The following STPG2 variants were observed in gnomAD, a reference collection of about 807,000 sequenced individuals.
STPG2 encodes the protein sperm-tail PG-rich repeat-containing protein 2.
Under a neutral mutation model 54.2 loss-of-function variants are expected in STPG2, and 56 were observed. The observed-to-expected ratio is 1.03, with a 90% confidence interval of 0.83 to 1.29. STPG2 has a LOEUF of 1.29. Among genes scored for constraint, STPG2 ranks in the 50% most tolerant of loss-of-function variants. The probability of loss-of-function intolerance (pLI) is 0.00; values close to 1 mark genes in which losing one functional copy is unlikely to be tolerated. For missense variants in STPG2, 596 were observed against 544.9 expected, an observed-to-expected ratio of 1.09 and a Z score of -0.93; for synonymous variants, 200 against 181.8, an observed-to-expected ratio of 1.10 and a Z score of -0.81.
chr4:97,914,994 C>T lies in STPG2; in HGVS notation c.1044+28903G>A, dbSNP rs562836375. Among the ~76,000 whole-genome samples, 15 of 152,216 alleles carry T rather than the reference C, an allele frequency of 9.9e-5. No individual in the cohort carries two copies. In the South Asian group the frequency reaches 2.3e-3, roughly 23 times the overall value. On this transcript the variant is annotated intron_variant, in intron 8 of 10. Transcript: ENST00000295268. ...TATTATAGCACGTCAGAATTTCATT[C>T]CTTTTTAAGGCTGAATAATATTCCA...
At chr4:97,786,529 A>G (rs1000675568) in intron 9 of STPG2, among the ~76,000 whole-genome samples, 30 of 152,124 alleles carry the variant, frequency 2.0e-4, no homozygotes, top group African/African-American at 7.2e-4. Context: ...AGTCACTTGC[A>G]GTCAAGTGTA....
intron 5 of STPG2, among the ~76,000 whole-genome samples, chr4:98,049,518 G>A (rs1737246581): frequency 6.6e-6 from 1 of 152,078 alleles, no homozygotes; most frequent in Admixed American, 6.6e-5. Flanking sequence ...AATACTTATT[G>A]AAACACATAT....
chr4:97,488,477 G>T (rs989633466), intron 4 of STPG2, among the ~76,000 whole-genome samples: 2 of 151,698 alleles, frequency 1.3e-5, no homozygotes, highest in Admixed American at 1.3e-4. Flanking sequence ...ACTCTATTAT[G>T]TGTAAATATA....
intron 8 of STPG2, among the ~76,000 whole-genome samples, chr4:97,872,334 A>T (rs769132877): frequency 3.8e-4 from 57 of 151,390 alleles, no homozygotes; most frequent in Non-Finnish European, 6.7e-4. Context: ...ATTTTTAAAG[A>T]AGTAACACTG....
intron 9 of STPG2, among the ~76,000 whole-genome samples, chr4:97,754,641 T>C (rs1369818957): frequency 2.6e-5 from 4 of 152,118 alleles, no homozygotes; most frequent in African/African-American, 7.2e-5. Context: ...ATTATACTTA[T>C]CTGTCTGGTC....
intron 5 of STPG2, among the ~76,000 whole-genome samples, chr4:98,011,542 T>A (rs1034573738): frequency 2.0e-5 from 3 of 152,180 alleles, no homozygotes; most frequent in Admixed American, 6.5e-5. Flanking sequence ...CCACACTGTC[T>A]CCCACAATGG....
intron 4 of STPG2, among the ~76,000 whole-genome samples, chr4:97,542,006 A>G (rs1731721105): frequency 6.6e-6 from 1 of 152,170 alleles, no homozygotes; most frequent in Non-Finnish European, 1.5e-5. Flanking sequence ...TAGACCTAAA[A>G]CCATAAAAAC....
rs976393849 is a variant in STPG2 at position 97,598,863 on chromosome 4, C to T, written c.1321-39746G>A. Among the ~76,000 whole-genome samples, 18 of 151,914 alleles carry T rather than the reference C, an allele frequency of 1.2e-4. 1 individual carries two copies. Among genetic ancestry groups the T allele is most frequent in the Non-Finnish European group, 2.9e-5 (2 of 67,994 alleles). The stretch of plus-strand genomic sequence containing the variant: ...ATACCATTCTGGACATGGAACCTGG[C>T]AAAGATTTCATGACAAAGACACCAA... On this transcript the variant is annotated intron_variant, in intron 10 of 10. Transcript: ENST00000295268.
intron 5 of STPG2, among the ~76,000 whole-genome samples, chr4:97,998,779 A>G (rs1350737407): frequency 2.0e-5 from 3 of 152,122 alleles, no homozygotes; most frequent in African/African-American, 4.8e-5. Flanking sequence ...CTAGTTAGGT[A>G]ATAATATACC....
intron 5 of STPG2, among the ~76,000 whole-genome samples, chr4:98,014,983 GA>G (rs1735890836): frequency 6.6e-6 from 1 of 152,050 alleles, no homozygotes; most frequent in Non-Finnish European, 1.5e-5. Context: ...ACCATGTTAT[GA>G]TTGTTCCCTA....
intron 10 of STPG2, among the ~76,000 whole-genome samples, chr4:97,601,382 T>A (rs1484145036): frequency 6.6e-6 from 1 of 152,102 alleles, no homozygotes; most frequent in African/African-American, 2.4e-5. Flanking sequence ...AAGTATAGAT[T>A]CTACATATTC....
intron 8 of STPG2, among the ~76,000 whole-genome samples, chr4:97,883,066 C>T (rs1730436273): frequency 1.3e-5 from 2 of 151,476 alleles, no homozygotes; most frequent in Admixed American, 6.6e-5. Context: ...CGCTGTAATC[C>T]CCACACTTTG....
intron 5 of STPG2, among the ~76,000 whole-genome samples, chr4:98,018,267 G>A (rs570194485): frequency 1.3e-5 from 2 of 152,080 alleles, no homozygotes; most frequent in East Asian, 1.9e-4. Flanking sequence ...AACATGCGGT[G>A]TTTGGTTTTT....
intron 3 of STPG2, among the ~76,000 whole-genome samples, chr4:98,124,958 GGTTT>G (rs1199118735): frequency 6.6e-6 from 1 of 152,030 alleles, no homozygotes; most frequent in East Asian, 1.9e-4. Flanking sequence ...TTCTCCACTT[GGTTT>G]GTTTGGCTAT....
chr4:97,468,906 C>T (rs943500239), intron 4 of STPG2, among the ~76,000 whole-genome samples: 1 of 152,012 alleles, frequency 6.6e-6, no homozygotes, highest in African/African-American at 2.4e-5. Context: ...AACTAAGAAA[C>T]ACAAGCTCTC....
intron 4 of STPG2, among the ~76,000 whole-genome samples, chr4:97,501,299 G>T (rs1303768966): frequency 6.6e-6 from 1 of 151,968 alleles, no homozygotes; most frequent in Non-Finnish European, 1.5e-5. Flanking sequence ...TCTGAGCCAA[G>T]CTGCTCATTT....
chr4:97,870,943 T>C (rs1729961913), intron 8 of STPG2, among the ~76,000 whole-genome samples: 1 of 150,816 alleles, frequency 6.6e-6, no homozygotes, highest in Non-Finnish European at 1.5e-5. Context: ...GTAAGGTACA[T>C]AAAATAGAAA....
intron 4 of STPG2, among the ~76,000 whole-genome samples, chr4:97,500,498 T>C (rs1400565278): frequency 2.6e-5 from 4 of 152,048 alleles, no homozygotes; most frequent in Non-Finnish European, 4.4e-5. Context: ...ATATAAGGTC[T>C]TCTCAACATA....
chr4:98,138,217 C>A (rs1057300961), intron 1 of STPG2, among the ~76,000 whole-genome samples: 3 of 151,880 alleles, frequency 2.0e-5, no homozygotes. Flanking sequence ...AAAATCACTG[C>A]CAATAATTAA....
Sources: allele counts gnomAD v4.1 joint callset (sites outside exome capture counted in the v4.1 genomes callset), GRCh38; gene constraint gnomAD v4.1.1; transcripts MANE v1.5; gene names NCBI Gene and HGNC (gene_info 2026-07-23, HGNC 2026-07-21).